The following WASL variants were observed in gnomAD, a reference collection of about 807,000 sequenced individuals.
WASL encodes the protein actin nucleation-promoting factor WASL.
In WASL, 20 loss-of-function variants were observed where a neutral mutation model predicts 55.5. That is an observed-to-expected ratio of 0.36 (90% CI 0.25 to 0.52). The LOEUF is 0.52. Among genes scored for constraint, WASL ranks in the 20% least tolerant of loss-of-function variants. WASL has a pLI of 0.92. For synonymous variants in WASL, 249 were observed against 217.6 expected, an observed-to-expected ratio of 1.14 and a Z score of -1.27; for missense variants, 504 against 622.5, an observed-to-expected ratio of 0.81 and a Z score of 2.03.
In WASL at chr7:123,695,876, A is replaced by T. The variant is rs1803482340; in HGVS notation, c.630-11T>A. The T allele has an allele frequency of 6.2e-7, 1 of 1,612,020 alleles. No homozygotes were observed. Among genetic ancestry groups the T allele is most frequent in the Non-Finnish European group, 8.5e-7 (1 of 1,178,588 alleles). ...ACATGTCCAATGTGCCTGAAGTAGA[A>T]AATAGAAAAAAAATAGAAAAACAAA... On this transcript the variant is annotated splice_polypyrimidine_tract_variant and intron_variant, in intron 6 of 10. Transcript: ENST00000223023.
rs1229088873 is a variant in WASL, at chr7:123,689,080, T to C, written c.1418A>G (p.Glu473Gly). The change falls in exon 10 of 11, where the codon GAA becomes GGA. Residue 473 changes from glutamate to glycine, a missense_variant. By Grantham distance (98) the Glu-to-Gly change is moderately conservative. This residue lies in a region of WASL where 53 missense variants were observed against 69.1 expected (regional missense o/e 0.77). Coordinates refer to ENST00000223023, the MANE Select transcript of WASL (RefSeq NM_003941.4). ...PTSGIVGALM[E>G]VMQKRSKAIH... ...GGCTTTGCTCCTTTTCTGCATCACT[T>C]CCATTAATGCACCCACAATTCCTGA... The C allele has an allele frequency of 6.2e-7, 1 of 1,613,088 alleles. No individual in the cohort carries two copies. Among genetic ancestry groups the C allele is most frequent in the East Asian group, 2.2e-5 (1 of 44,804 alleles).
chr7:123,722,962 T>C (rs1803977064), intron 1 of WASL, among the ~76,000 whole-genome samples: 1 of 152,158 alleles, frequency 6.6e-6, no homozygotes, highest in South Asian at 2.1e-4. Flanking sequence ...AAGAATAGTG[T>C]TATGACTGAA....
At chr7:123,735,617 AGAAAT>A (rs778516104) in intron 1 of WASL, among the ~76,000 whole-genome samples, 14 of 152,186 alleles carry the variant, frequency 9.2e-5, no homozygotes, top group African/African-American at 2.4e-5. Context: ...TCAAACTTCT[AGAAAT>A]GAAAACTACA....
At chr7:123,688,534 G>C (rs981907641) in intron 10 of WASL, among the ~76,000 whole-genome samples, 6 of 152,022 alleles carry the variant, frequency 3.9e-5, no homozygotes, top group African/African-American at 1.4e-4. Context: ...TAACTTTTTT[G>C]TATTTTTAGT....
chr7:123,702,519 T>C (rs1383807579), intron 5 of WASL, among the ~76,000 whole-genome samples: 1 of 152,314 alleles, frequency 6.6e-6, no homozygotes, highest in East Asian at 1.9e-4. Flanking sequence ...CACAGTTCCA[T>C]ATCCATGCAT....
In WASL at chr7:123,725,149, G is replaced by A. The variant is rs958453515; in HGVS notation, c.118-15926C>T. 5.4e-4 allele frequency among the ~76,000 whole-genome samples: 82 copies of A among 152,320 alleles called. 1 individual carries two copies. Among genetic ancestry groups the A allele is most frequent in the South Asian group, 4.1e-4 (2 of 4,822 alleles). The stretch of plus-strand genomic sequence containing the variant: ...GTAAGTCAGATGAGCATAGAAGCAC[G>A]AAATAATTTTCAGTACATTTGGTTA... On this transcript the variant is annotated intron_variant, in intron 1 of 10. Coordinates refer to ENST00000223023, the MANE Select transcript of WASL (RefSeq NM_003941.4).
At chr7:123,704,846 C>T (rs983227238) in intron 4 of WASL, among the ~76,000 whole-genome samples, 189 bp from the exon 5 acceptor site, 1 of 151,732 alleles carries the variant, frequency 6.6e-6, no homozygotes, top group Non-Finnish European at 1.5e-5. Flanking sequence ...ATTCAAAGGC[C>T]CCAAGGAGGG....
chr7:123,685,011 C>T (rs2116760846), intron 10 of WASL, among the ~76,000 whole-genome samples: 1 of 152,010 alleles, frequency 6.6e-6, no homozygotes. Flanking sequence ...ACCATCCTGT[C>T]ACATAATCAG....
At chr7:123,717,591 C>A (rs1192107735) in intron 1 of WASL, among the ~76,000 whole-genome samples, 1 of 152,176 alleles carries the variant, frequency 6.6e-6, no homozygotes, top group African/African-American at 2.4e-5. Context: ...ACTACATGGA[C>A]ACTTCAGGGG....
chr7:123,740,100 A>G (rs1426124630), intron 1 of WASL, among the ~76,000 whole-genome samples: 1 of 152,092 alleles, frequency 6.6e-6, no homozygotes, highest in Non-Finnish European at 1.5e-5. Context: ...ACGTTTCACT[A>G]ATAAAAATCA....
chr7:123,692,938 A>C, intron 8 of WASL, 71 bp from the exon 9 acceptor site: 1 of 1,316,818 alleles, frequency 7.6e-7, no homozygotes. Flanking sequence ...AAAGTAATTC[A>C]TTTTAACATG....
In WASL at chr7:123,692,748, T is replaced by C. The variant is rs1177646111; in HGVS notation, c.946A>G (p.Arg316Gly). 2 of 1,498,748 alleles carry C rather than the reference T, an allele frequency of 1.3e-6. No individual in the cohort carries two copies. Among genetic ancestry groups the C allele is most frequent in the East Asian group, 2.3e-5 (1 of 43,056 alleles). The allele number at this position is 1,498,748 out of a possible 1,614,324, so 92.8% of individuals were successfully genotyped here. Residue 316 changes from arginine (R) to glycine (G), a missense_variant, in exon 9 of 11, where the codon AGA becomes GGA. Around this residue, in one of 5 missense-constraint regions of WASL, gnomAD observed 201 missense variants for 206.2 expected, o/e 0.97. Coordinates refer to ENST00000223023, the MANE Select transcript of WASL (RefSeq NM_003941.4). ...GGTGGAGGTGCAGCTGTGGGAGCTC[T>C]TGAAGGTGGTGGGGGAGGAGCGCCT... ...GRGAPPPPPSRAPTAAPPPPP... is the reference protein window; with the variant it reads ...GRGAPPPPPSGAPTAAPPPPP...
intron 1 of WASL, among the ~76,000 whole-genome samples, chr7:123,736,146 A>T (rs1353330954): frequency 6.6e-6 from 1 of 152,038 alleles, no homozygotes; most frequent in Non-Finnish European, 1.5e-5. Flanking sequence ...AGAAAGAAAA[A>T]CCTATCAACT....
chr7:123,744,610 GA>G (rs879363217), intron 1 of WASL, among the ~76,000 whole-genome samples: 34 of 152,180 alleles, frequency 2.2e-4, no homozygotes, highest in Non-Finnish European at 4.9e-4. Flanking sequence ...GTATGGCAGG[GA>G]AAGATAATGC....
chr7:123,690,718 A>C (rs1257286163), intron 9 of WASL, among the ~76,000 whole-genome samples: 20 of 152,130 alleles, frequency 1.3e-4, no homozygotes, highest in Non-Finnish European at 1.0e-4. Flanking sequence ...TGAGGATACA[A>C]CTTTATTCGT....
chr7:123,708,323 A>C (rs1803703846), intron 2 of WASL, among the ~76,000 whole-genome samples: 1 of 152,160 alleles, frequency 6.6e-6, no homozygotes, highest in African/African-American at 2.4e-5. Flanking sequence ...AGGTGTAAAA[A>C]TCTCTTCACT....
At chr7:123,705,980 C>T (rs1803663591) in intron 4 of WASL, among the ~76,000 whole-genome samples, 1 of 151,902 alleles carries the variant, frequency 6.6e-6, no homozygotes. Context: ...TTGGGCCCTT[C>T]GGTAAATCTA....
intron 1 of WASL, among the ~76,000 whole-genome samples, chr7:123,714,655 T>C (rs377295144): frequency 6.6e-5 from 10 of 152,270 alleles, no homozygotes; most frequent in African/African-American, 2.2e-4. Flanking sequence ...TACAAGGGAC[T>C]GGGATAACTG....
At chr7:123,703,516 A>G (rs933970406) in intron 5 of WASL, among the ~76,000 whole-genome samples, 2 of 152,164 alleles carry the variant, frequency 1.3e-5, no homozygotes, top group Non-Finnish European at 2.9e-5. Flanking sequence ...AAAAGTATTA[A>G]TATTTCTATT....
Sources: gnomAD v4.1 joint callset for allele counts (sites outside exome capture counted in the v4.1 genomes callset) on GRCh38, gnomAD v4.1.1 for gene constraint, gnomAD v4.1.1 regional missense constraint, MANE v1.5 for transcripts, NCBI Gene and HGNC (gene_info 2026-07-23, HGNC 2026-07-21) for gene names.